The following AKR1C3 variants were observed in gnomAD, a reference collection of about 807,000 sequenced individuals.
The protein encoded by AKR1C3 is 3-alpha hydroxysteroid dehydrogenase, type II.
Under a neutral mutation model 43.6 loss-of-function variants are expected in AKR1C3, and 48 were observed. The ratio of observed to expected loss-of-function variants is 1.10; its 90% CI spans 0.87 to 1.40. AKR1C3 has a LOEUF of 1.40. AKR1C3 is among the 40% of genes most tolerant of loss of function. The pLI is 0.00. For missense variants in AKR1C3, 482 were observed against 391.2 expected (o/e 1.23, Z -1.96); for synonymous variants, 162 against 139.6 (o/e 1.16, Z -1.13).
At chr10:5,101,749 G>A (rs546102134) in intron 5 of AKR1C3, among the ~76,000 whole-genome samples, 1 of 152,128 alleles carries the variant, frequency 6.6e-6, no homozygotes, top group African/African-American at 2.4e-5. Flanking sequence ...TTGCACTCAC[G>A]AGTCCTTGAC....
At chr10:5,058,697 C>T (rs74209028) in intron 1 of AKR1C3, among the ~76,000 whole-genome samples, 20,569 of 152,182 alleles carry the variant, frequency 0.14, 1,737 homozygotes, top group South Asian at 0.23. Context: ...GGAATACTTG[C>T]GCTCACCGAC....
chr10:5,091,538 T>C (rs1179658939), upstream of AKR1C3, among the ~76,000 whole-genome samples: 1 of 152,186 alleles, frequency 6.6e-6, no homozygotes, highest in Non-Finnish European at 1.5e-5. Flanking sequence ...TTTTTGTGTA[T>C]GATTTTTAAT....
intron 1 of AKR1C3, among the ~76,000 whole-genome samples, chr10:5,068,951 C>T (rs1838564122): frequency 6.6e-6 from 1 of 152,336 alleles, no homozygotes; most frequent in East Asian, 1.9e-4. Context: ...ACTTAGACCA[C>T]ATGTTTACAT....
At chr10:5,065,389 C>A (rs76168935) in intron 1 of AKR1C3, among the ~76,000 whole-genome samples, 3,814 of 152,164 alleles carry the variant, frequency 0.025, 73 homozygotes, top group Non-Finnish European at 0.037. Context: ...ATAAAGAAAT[C>A]TTTACATTCT....
intron 8 of AKR1C3, among the ~76,000 whole-genome samples, chr10:5,106,963 G>A (rs1363855988): frequency 6.6e-6 from 1 of 151,058 alleles, no homozygotes; most frequent in South Asian, 2.1e-4. Flanking sequence ...GCGAGCATGA[G>A]TAATTCTTAT....
intron 1 of AKR1C3, among the ~76,000 whole-genome samples, chr10:5,066,512 C>T (rs1247939008): frequency 6.6e-6 from 1 of 152,062 alleles, no homozygotes; most frequent in Non-Finnish European, 1.5e-5. Context: ...CAAATGACAT[C>T]CTAGTGATGG....
rs115538088 is a variant in AKR1C3, at chr10:5,101,841, C to T, written c.571-260C>T. Among the ~76,000 whole-genome samples the T allele has an allele frequency of 5.7e-3, 868 of 152,288 alleles. 8 individuals are homozygous for T. The highest frequency in any genetic ancestry group is 0.02 in the African/African-American group (834 of 41,568). ...ATCCCAGATATGGAACTTGTTACAT[C>T]TCCTTCTAGTTGTCAAAGGTCTTTG... On this transcript the variant is annotated intron_variant, in intron 5 of 8. Coordinates refer to ENST00000380554, the MANE Select transcript of AKR1C3 (RefSeq NM_003739.6).
chr10:5,090,438 G>C (rs1554783994), upstream of AKR1C3, among the ~76,000 whole-genome samples: 1 of 152,066 alleles, frequency 6.6e-6, no homozygotes, highest in Non-Finnish European at 1.5e-5. Flanking sequence ...GCACACTGCT[G>C]TCTATCTCCA....
chr10:5,106,505 C>G (rs1318130052), intron 8 of AKR1C3, among the ~76,000 whole-genome samples: 2 of 152,058 alleles, frequency 1.3e-5, no homozygotes, highest in Non-Finnish European at 2.9e-5. Context: ...AATCCCAGCA[C>G]TTTGGGAGGC....
At chr10:5,078,442 T>C (rs1588343063) in intron 1 of AKR1C3, among the ~76,000 whole-genome samples, 2 of 152,200 alleles carry the variant, frequency 1.3e-5, no homozygotes, top group East Asian at 1.9e-4. Flanking sequence ...AGAATCTGTC[T>C]CAAATAATAA....
At chr10:5,065,173 A>T (rs538340707) in intron 1 of AKR1C3, among the ~76,000 whole-genome samples, 53 of 152,304 alleles carry the variant, frequency 3.5e-4, no homozygotes, top group African/African-American at 1.2e-3. Flanking sequence ...GTATTAGTTC[A>T]ACCATTGTAG....
intron 1 of AKR1C3, among the ~76,000 whole-genome samples, chr10:5,082,396 C>T (rs1838856554): frequency 1.3e-5 from 2 of 152,244 alleles, no homozygotes; most frequent in South Asian, 2.1e-4. Context: ...AAGTTTTCTC[C>T]ATGCAATATG....
chr10:5,094,247 C>A, upstream of AKR1C3: 1 of 394,412 alleles, frequency 2.5e-6, no homozygotes. Context: ...TAGGAATTCT[C>A]TTTGATAAGA....
Position 5,096,503 on chromosome 10 carries a change from C to A in AKR1C3, c.178C>A (p.Gln60Lys), listed in dbSNP as rs1056859490. The A allele has an allele frequency of 3.1e-6, 5 of 1,613,792 alleles. No individual in the cohort carries two copies. The highest frequency in any genetic ancestry group is 1.7e-5 in the Admixed American group (1 of 60,006). ...TGCTCATTTATACAATAATGAGGAG[C>A]AGGTTGGACTGGCCATCCGAAGCAA... ...DSAHLYNNEE[Q>K]VGLAIRSKIA... Residue 60 changes from glutamine to lysine, a missense_variant, in exon 2 of 9, where the codon CAG becomes AAG. Transcript: ENST00000380554.
rs781822953 is a variant in AKR1C3 at position 5,095,863 on chromosome 10, G to GC, written c.85-547_85-546insC. Among the ~76,000 whole-genome samples, 1,488 of 152,150 alleles carry GC rather than the reference G, an allele frequency of 9.8e-3. 23 individuals carry two copies. The highest frequency in any genetic ancestry group is 0.034 in the African/African-American group (1,417 of 41,510). On this transcript the variant is annotated intron_variant, in intron 1 of 8. Transcript: ENST00000380554. ...ATGACTATGCAGAAAAGACTTAATA[G>GC]ACTACTATTCACAGATGCTTTATTT...
intron 8 of AKR1C3, among the ~76,000 whole-genome samples, chr10:5,107,023 C>T (rs1417336967): frequency 6.6e-6 from 1 of 152,130 alleles, no homozygotes; most frequent in African/African-American, 2.4e-5. Flanking sequence ...CTTTATATTT[C>T]ATGTTATTTC....
intron 1 of AKR1C3, among the ~76,000 whole-genome samples, chr10:5,083,813 T>C (rs1344426165): frequency 1.3e-5 from 2 of 152,226 alleles, no homozygotes; most frequent in Non-Finnish European, 2.9e-5. Context: ...TTGATTTGTA[T>C]TTCTCTGATG....
intron 1 of AKR1C3, among the ~76,000 whole-genome samples, chr10:5,078,743 G>A (rs782372826): frequency 4.6e-5 from 7 of 152,336 alleles, no homozygotes; most frequent in Non-Finnish European, 7.3e-5. Context: ...AAGAGCACAT[G>A]TGGTTTAAAT....
At chr10:5,081,886 G>C (rs947004621) in intron 1 of AKR1C3, 8 of 152,186 alleles carry the variant, frequency 5.3e-5, no homozygotes, top group Admixed American at 3.3e-4. Context: ...GAAGAAACCA[G>C]TGAGCTCCTG....
Sources: gnomAD v4.1 joint callset for allele counts (sites outside exome capture counted in the v4.1 genomes callset) on GRCh38, gnomAD v4.1.1 for gene constraint, MANE v1.5 for transcripts, NCBI Gene and HGNC (gene_info 2026-07-23, HGNC 2026-07-21) for gene names.